The following SLC25A33 variants were observed in gnomAD, a reference collection of about 807,000 sequenced individuals.
SLC25A33 encodes bone marrow stromal cell mitochondrial carrier protein.
A neutral mutation model predicts 35.5 loss-of-function variants in SLC25A33; 15 were observed. The ratio of observed to expected loss-of-function variants is 0.42; its 90% CI spans 0.28 to 0.65. SLC25A33 has a LOEUF of 0.65. SLC25A33 is among the 30% of genes least tolerant of loss of function. The pLI is 0.20. For synonymous variants in SLC25A33, 136 were observed against 148.7 expected (o/e 0.91, Z 0.62); for missense variants, 257 against 398.5 (o/e 0.64, Z 3.02).
At position 9,582,040 on chromosome 1, in the gene SLC25A33, C is replaced by T. The variant is rs1557539492; in HGVS notation, c.764-259C>T. On this transcript the variant is annotated intron_variant, in intron 6 of 6. Coordinates refer to ENST00000302692, the MANE Select transcript of SLC25A33 (RefSeq NM_032315.3). The surrounding 1 kb of genome is among the most constrained non-coding windows in gnomAD (Gnocchi z 4.0). ...CCAGGTTCAAGCGATCCTCATTCCT[C>T]AGCCACTCTAGTAGTAGGCGTGCAC... 2.6e-5 allele frequency among the ~76,000 whole-genome samples: 4 copies of T among 152,114 alleles called. No individual in the cohort carries two copies. The highest frequency in any genetic ancestry group is 2.0e-4 in the Admixed American group (3 of 15,258).
intron 1 of SLC25A33, among the ~76,000 whole-genome samples, chr1:9,552,193 A>G (rs993516754): frequency 1.3e-5 from 2 of 152,180 alleles, no homozygotes; most frequent in Non-Finnish European, 2.9e-5. Flanking sequence ...AGGGAAACAC[A>G]AGGACTTCAT....
chr1:9,556,178 T>C, intron 2 of SLC25A33: 2 of 985,380 alleles, frequency 2.0e-6, no homozygotes, highest in East Asian at 1.1e-4. Flanking sequence ...TTTCACATGC[T>C]TAGGCGGTGC....
chr1:9,579,295 G>A (rs1643704819), intron 5 of SLC25A33, among the ~76,000 whole-genome samples: 1 of 151,998 alleles, frequency 6.6e-6, no homozygotes, highest in South Asian at 2.1e-4. Flanking sequence ...CACAGATTGG[G>A]GGCTCAGTCC....
chr1:9,581,420 T>G (rs892704907), intron 6 of SLC25A33, among the ~76,000 whole-genome samples: 1 of 152,224 alleles, frequency 6.6e-6, no homozygotes, highest in African/African-American at 2.4e-5. Context: ...ATTTTAACAT[T>G]AAGTCTCATT....
At chr1:9,574,876 A>C (rs529942883) in intron 5 of SLC25A33, among the ~76,000 whole-genome samples, 1 of 152,048 alleles carries the variant, frequency 6.6e-6, no homozygotes, top group Non-Finnish European at 1.5e-5. Flanking sequence ...TTAAAGATGC[A>C]TTTTCTCCCC....
At chr1:9,581,729 CA>C (rs34855299) in intron 6 of SLC25A33, among the ~76,000 whole-genome samples, 3,458 of 77,408 alleles carry the variant, frequency 0.045, 50 homozygotes, top group Admixed American at 0.099. Flanking sequence ...GACTCTGCCT[CA>C]AAAAAAAAAA....
In SLC25A33 at chr1:9,555,964, C is replaced by A. The variant is rs1271993064; in HGVS notation, c.236+2159C>A. Among the ~76,000 whole-genome samples, 9 of 152,200 alleles carry A rather than the reference C, an allele frequency of 5.9e-5. No homozygotes were observed. In the East Asian group the frequency reaches 1.7e-3, roughly 29 times the overall value. On this transcript the variant is annotated intron_variant, in intron 2 of 6. Coordinates refer to ENST00000302692, the MANE Select transcript of SLC25A33 (RefSeq NM_032315.3). ...CCTCCCGAAGTACTGGGATTATGGG[C>A]ATGAGCCACTGTGTCTGGGTGAGAA... is the stretch of plus-strand genomic sequence containing the variant.
chr1:9,581,494 C>T (rs1406136647), intron 6 of SLC25A33, among the ~76,000 whole-genome samples: 3 of 152,018 alleles, frequency 2.0e-5, no homozygotes, highest in Non-Finnish European at 4.4e-5. Flanking sequence ...TTTGGGAGGC[C>T]AAGATGGGCA....
chr1:9,574,935 C>T (rs541621218), intron 5 of SLC25A33, among the ~76,000 whole-genome samples: 10 of 152,066 alleles, frequency 6.6e-5, no homozygotes, highest in African/African-American at 1.9e-4. Context: ...CCCTGTAGGC[C>T]GGGTGCGGTG....
At chr1:9,556,681 CTGTGTGTGTG>C (rs139323135) in intron 2 of SLC25A33, among the ~76,000 whole-genome samples, 1 of 149,394 alleles carries the variant, frequency 6.7e-6, no homozygotes, top group African/African-American at 2.5e-5. Context: ...GTGTCTGTGT[CTGTGTGTGTG>C]TGTGTGTGTC....
chr1:9,582,104 G>A lies in SLC25A33; in HGVS notation c.764-195G>A, dbSNP rs1261181266. Among the ~76,000 whole-genome samples, 1 of 152,054 alleles carries A rather than the reference G, an allele frequency of 6.6e-6. No homozygotes were observed. The highest frequency in any genetic ancestry group is 2.4e-5 in the African/African-American group (1 of 41,396). On this transcript the variant is annotated intron_variant, in intron 6 of 6. Transcript: ENST00000302692. This position sits in a 1 kb window ranked among gnomAD's most constrained non-coding sequence, Gnocchi z 4.0. Reference sequence around the variant, plus strand: ...TAATTTTTGTTTTTCAGTAGAGACGGGGTTTCACCATGTTGGCCAGGCTGG... The same window carrying A: ...TAATTTTTGTTTTTCAGTAGAGACGAGGTTTCACCATGTTGGCCAGGCTGG...
At chr1:9,567,172 A>T (rs560619928) in intron 2 of SLC25A33, 112 bp from the exon 3 acceptor site, 145 of 865,568 alleles carry the variant, frequency 1.7e-4, no homozygotes, top group Admixed American at 1.8e-4. Context: ...CGAGCTTGAC[A>T]TCTCTCAAAC....
At chr1:9,581,990 C>T (rs1013616539) in intron 6 of SLC25A33, among the ~76,000 whole-genome samples, 3 of 152,106 alleles carry the variant, frequency 2.0e-5, no homozygotes, top group African/African-American at 7.2e-5. Flanking sequence ...GTGGCACGAT[C>T]CCGACTCATT....
chr1:9,580,055 C>T lies in SLC25A33; in HGVS notation c.584C>T (p.Ala195Val). The T allele has an allele frequency of 1.9e-6, 3 of 1,612,518 alleles. No homozygotes were observed. The highest frequency in any genetic ancestry group is 2.5e-6 in the Non-Finnish European group (3 of 1,178,982). ...GFYRGLTASY[A>V]GISETIICFA... Reference sequence around the variant, plus strand: ...TATAGAGGATTAACTGCCTCGTATGCTGGAATTTCCGAAACTATAATCTGC... The same window carrying T: ...TATAGAGGATTAACTGCCTCGTATGTTGGAATTTCCGAAACTATAATCTGC... The change falls in exon 6 of 7, where the codon GCT becomes GTT. Residue 195 changes from alanine (A) to valine (V), a missense_variant. By Grantham distance (64) the Ala-to-Val change is moderately conservative. Coordinates refer to ENST00000302692, the MANE Select transcript of SLC25A33 (RefSeq NM_032315.3).
chr1:9,556,381 C>T (rs561985034), intron 2 of SLC25A33: 142 of 288,484 alleles, frequency 4.9e-4, no homozygotes, highest in Admixed American at 1.5e-3. Context: ...TAGGGCCAAC[C>T]TGGAAGGTAA....
intron 1 of SLC25A33, among the ~76,000 whole-genome samples, chr1:9,542,869 G>A (rs1206300130): frequency 1.3e-5 from 2 of 152,228 alleles, no homozygotes; most frequent in African/African-American, 4.8e-5. Context: ...CTGGAGTGCA[G>A]TGGTGCAATC....
In SLC25A33 at chr1:9,567,299, A is replaced by G. The variant is rs778522338; in HGVS notation, c.252A>G (p.Lys84=). 6.2e-7 allele frequency: 1 copy of G among 1,614,010 alleles called. No homozygotes were observed. The highest frequency in any genetic ancestry group is 8.5e-7 in the Non-Finnish European group (1 of 1,179,986). ...TATTATTCAGGTCGATCTTGGAGAA[A>G]GAGGGACCAAAGTCACTTTTTAGAG... The part of the protein sequence containing the change: ...LFQVLKSILE[K]EGPKSLFRGL... The change falls in exon 3 of 7, where the codon AAA becomes AAG. Residue 84 remains lysine (K), a synonymous_variant. Transcript: ENST00000302692.
intron 1 of SLC25A33, among the ~76,000 whole-genome samples, chr1:9,543,287 G>T (rs1643121405): frequency 6.6e-6 from 1 of 151,968 alleles, no homozygotes; most frequent in Non-Finnish European, 1.5e-5. Context: ...GGGATTAAAG[G>T]CTCACGCCAC....
At chr1:9,560,209 G>A (rs1238477384) in intron 2 of SLC25A33, among the ~76,000 whole-genome samples, 3 of 149,050 alleles carry the variant, frequency 2.0e-5, no homozygotes, top group Non-Finnish European at 4.4e-5. Context: ...CCGAGATCAC[G>A]CCACTGCCTT....
Sources: allele counts gnomAD v4.1 joint callset (sites outside exome capture counted in the v4.1 genomes callset), GRCh38; gene constraint gnomAD v4.1.1; non-coding constraint Gnocchi (gnomAD v3.1); transcripts MANE v1.5; gene names NCBI Gene and HGNC (gene_info 2026-07-23, HGNC 2026-07-21).